The following SLC22A23 variants were observed in gnomAD, a reference collection of about 807,000 sequenced individuals.
SLC22A23 encodes ion transporter protein.
SLC22A23 carries 26 observed loss-of-function variants against 61.0 expected under a neutral mutation model. The ratio of observed to expected loss-of-function variants is 0.43; its 90% CI spans 0.31 to 0.59. SLC22A23 has a LOEUF of 0.59. Among genes scored for constraint, SLC22A23 ranks in the 20% least tolerant of loss-of-function variants. The pLI, the probability that SLC22A23 is intolerant of heterozygous loss-of-function variation, is 0.11. For synonymous variants in SLC22A23, 430 were observed against 413.9 expected (o/e 1.04, Z -0.47); for missense variants, 796 against 934.7 (o/e 0.85, Z 1.94).
Position 3,427,665 on chromosome 6 carries a change from A to G in SLC22A23, c.655-11810T>C, listed in dbSNP as rs1005164829. ...ACCTCCTCAGCAGCATCCTGGGAACAGCAACAGCTTCGTTTCCAACACTTC... is the reference window on the plus strand; with the variant it reads ...ACCTCCTCAGCAGCATCCTGGGAACGGCAACAGCTTCGTTTCCAACACTTC... On this transcript the variant is annotated intron_variant, in intron 1 of 9. Transcript: ENST00000406686. This position sits in a 1 kb window ranked among gnomAD's most constrained non-coding sequence, Gnocchi z 4.3. Among the ~76,000 whole-genome samples, 1 of 152,146 alleles carries G rather than the reference A, an allele frequency of 6.6e-6. No homozygotes were observed. The highest frequency in any genetic ancestry group is 2.4e-5 in the African/African-American group (1 of 41,432).
intron 3 of SLC22A23, among the ~76,000 whole-genome samples, chr6:3,334,691 C>T (rs555826000): frequency 2.0e-5 from 3 of 152,316 alleles, no homozygotes; most frequent in South Asian, 4.1e-4. Context: ...TGAAGCCCGC[C>T]GGGTGCTAGG....
chr6:3,345,242 C>T (rs551834010), intron 3 of SLC22A23, among the ~76,000 whole-genome samples: 24 of 151,884 alleles, frequency 1.6e-4, no homozygotes, highest in Non-Finnish European at 3.1e-4. Context: ...GACTGAGAAA[C>T]GAAAGATACA....
At chr6:3,412,824 T>G (rs1470740017) in intron 2 of SLC22A23, among the ~76,000 whole-genome samples, 3 of 152,062 alleles carry the variant, frequency 2.0e-5, no homozygotes, top group African/African-American at 4.8e-5. Flanking sequence ...GACTTGACAT[T>G]GCTGGCTCTG....
chr6:3,456,164 G>A lies in SLC22A23; in HGVS notation c.396C>T (p.Gly132=), dbSNP rs866938223. The A allele has an allele frequency of 6.4e-7, 1 of 1,551,270 alleles. No individual in the cohort carries two copies. Residue 132 remains glycine, a synonymous_variant, in exon 1 of 10, where the codon GGC becomes GGT. Transcript: ENST00000406686. This position sits in a 1 kb window ranked among gnomAD's most constrained non-coding sequence, Gnocchi z 7.1. ...DQPNFWCRGA[G]KGTELAGVTT... ...TGACCCCTGCCAGCTCGGTGCCTTT[G>A]CCGGCCCCGCGGCACCAGAAGTTGG...
At chr6:3,423,089 C>G (rs941264458) in intron 1 of SLC22A23, among the ~76,000 whole-genome samples, 2 of 151,774 alleles carry the variant, frequency 1.3e-5, no homozygotes, top group Non-Finnish European at 2.9e-5. Context: ...CGCTCCTCTT[C>G]TGCGCAGTGC....
rs1417380389 is a variant in SLC22A23, at chr6:3,317,790, C to T, written c.1082+6044G>A. Among the ~76,000 whole-genome samples, 3 of 152,150 alleles carry T rather than the reference C, an allele frequency of 2.0e-5. No homozygotes were observed. The highest frequency in any genetic ancestry group is 4.4e-5 in the Non-Finnish European group (3 of 68,038). ...GCCGCTCCTGCTTCACAACTAAGTG[C>T]TCAAGTTTGACTCTGCAAACCACAC... On this transcript the variant is annotated intron_variant, in intron 4 of 9. Transcript: ENST00000406686. This position sits in a 1 kb window ranked among gnomAD's most constrained non-coding sequence, Gnocchi z 4.4.
chr6:3,343,339 G>A (rs181734759), intron 3 of SLC22A23, among the ~76,000 whole-genome samples: 1 of 152,312 alleles, frequency 6.6e-6, no homozygotes, highest in East Asian at 1.9e-4. Context: ...CAAGAGGTTA[G>A]TTACCAAATA....
chr6:3,416,859 G>A (rs1264161184), intron 1 of SLC22A23, among the ~76,000 whole-genome samples: 1 of 152,200 alleles, frequency 6.6e-6, no homozygotes, highest in African/African-American at 2.4e-5. Context: ...AATGCATTTG[G>A]GAACACCGGA....
chr6:3,344,001 C>A (rs1014326042), intron 3 of SLC22A23, among the ~76,000 whole-genome samples: 5 of 152,188 alleles, frequency 3.3e-5, no homozygotes, highest in African/African-American at 1.2e-4. Flanking sequence ...GGGAATGGTA[C>A]ACGAATTAGA....
At position 3,427,887 on chromosome 6, in the gene SLC22A23, CG is replaced by C. The variant is rs1770605240; in HGVS notation, c.655-12033del. Among the ~76,000 whole-genome samples, 1 of 152,194 alleles carries C rather than the reference CG, an allele frequency of 6.6e-6. No homozygotes were observed. Among genetic ancestry groups the C allele is most frequent in the Non-Finnish European group, 1.5e-5 (1 of 68,032 alleles). ...GAGTGTGACTGTGCAGGCTGGCTCC[CG>C]GCCCCCGCCCTCTGGTCGGGAGAGG... is the stretch of plus-strand genomic sequence containing the variant. On this transcript the variant is annotated intron_variant, in intron 1 of 9. Coordinates refer to ENST00000406686, the MANE Select transcript of SLC22A23 (RefSeq NM_015482.2). The surrounding 1 kb of genome is among the most constrained non-coding windows in gnomAD (Gnocchi z 4.3).
rs1581699286 is a variant in SLC22A23 at position 3,329,100 on chromosome 6, G to A, written c.914-5098C>T. On this transcript the variant is annotated intron_variant, in intron 3 of 9. Transcript: ENST00000406686. The surrounding 1 kb of genome is among the most constrained non-coding windows in gnomAD (Gnocchi z 4.8). Reference sequence around the variant, plus strand: ...AGCAGGGCTTGGCCCCAGCTCCAGCGGCTAAGGCATCTGCCCACCAGAAAT... The same window carrying A: ...AGCAGGGCTTGGCCCCAGCTCCAGCAGCTAAGGCATCTGCCCACCAGAAAT... Among the ~76,000 whole-genome samples, 1 of 152,082 alleles carries A rather than the reference G, an allele frequency of 6.6e-6. No homozygotes were observed. Among genetic ancestry groups the A allele is most frequent in the African/African-American group, 2.4e-5 (1 of 41,364 alleles).
chr6:3,343,019 T>C (rs2127424596), intron 3 of SLC22A23, among the ~76,000 whole-genome samples: 1 of 152,296 alleles, frequency 6.6e-6, no homozygotes, highest in East Asian at 1.9e-4. Context: ...GTAAGGTGTG[T>C]TTATGCAATT....
rs571254520 is a variant in SLC22A23 at position 3,414,285 on chromosome 6, T to C, written c.758+1467A>G. On this transcript the variant is annotated intron_variant, in intron 2 of 9. Coordinates refer to ENST00000406686, the MANE Select transcript of SLC22A23 (RefSeq NM_015482.2). This position sits in a 1 kb window ranked among gnomAD's most constrained non-coding sequence, Gnocchi z 5.1. ...CAATGTAGATTTCTGGGAAACGGTA[T>C]ATTTTAGACCAATATAGCCCACACT... Among the ~76,000 whole-genome samples, 23 of 152,286 alleles carry C rather than the reference T, an allele frequency of 1.5e-4. No homozygotes were observed. The South Asian group carries it at 4.8e-3, about 32-fold the overall frequency.
At chr6:3,449,707 T>C (rs1772078198) in intron 1 of SLC22A23, among the ~76,000 whole-genome samples, 1 of 152,216 alleles carries the variant, frequency 6.6e-6, no homozygotes, top group Non-Finnish European at 1.5e-5. Flanking sequence ...GAACCACACA[T>C]ATTATTAGTA....
chr6:3,287,873 C>T (rs1426594709), intron 6 of SLC22A23, among the ~76,000 whole-genome samples: 7 of 152,040 alleles, frequency 4.6e-5, no homozygotes, highest in Non-Finnish European at 8.8e-5. Context: ...TTGGTAGAGA[C>T]AGGGTTTCAC....
At chr6:3,404,410 T>C (rs1367741347) in intron 3 of SLC22A23, among the ~76,000 whole-genome samples, 1 of 152,242 alleles carries the variant, frequency 6.6e-6, no homozygotes, top group Admixed American at 6.5e-5. Context: ...GGTGAGATGA[T>C]ATATCCTTAC....
intron 1 of SLC22A23, among the ~76,000 whole-genome samples, chr6:3,455,096 G>A (rs904957831): frequency 2.0e-5 from 3 of 152,176 alleles, no homozygotes; most frequent in African/African-American, 7.2e-5. Flanking sequence ...TGCCCACTCT[G>A]TGTTTAGGCC....
chr6:3,406,088 G>C (rs1351131493), intron 3 of SLC22A23, among the ~76,000 whole-genome samples: 3 of 152,196 alleles, frequency 2.0e-5, no homozygotes, highest in African/African-American at 7.2e-5. Flanking sequence ...GGTTTGGTCT[G>C]TCAGCAAAAG....
chr6:3,444,676 C>A lies in SLC22A23; in HGVS notation c.654+11230G>T, dbSNP rs1385364381. On this transcript the variant is annotated intron_variant, in intron 1 of 9. Transcript: ENST00000406686. ...CAGGAAGGTCCCCTGGCTTTCTGAT[C>A]CCGGCCTCTCTCTGAGCCCTGTGGC... is the stretch of plus-strand genomic sequence containing the variant. 7.0e-6 allele frequency: 4 copies of A among 574,446 alleles called. No homozygotes were observed. The South Asian group carries it at 2.3e-4, about 33-fold the overall frequency. 35.6% of individuals were successfully genotyped at this position (574,446 alleles called of 1,614,324 possible).
Sources: allele counts gnomAD v4.1 joint callset (sites outside exome capture counted in the v4.1 genomes callset), GRCh38; gene constraint gnomAD v4.1.1; non-coding constraint Gnocchi (gnomAD v3.1); transcripts MANE v1.5; gene names NCBI Gene and HGNC (gene_info 2026-07-23, HGNC 2026-07-21).